The following MAP4 variants were observed in gnomAD, a reference collection of about 807,000 sequenced individuals.
The protein encoded by MAP4 is microtubule associated protein 4, also known as microtubule-associated protein 4.
In MAP4, 76 loss-of-function variants were observed where a neutral mutation model predicts 170.2. That is an observed-to-expected ratio of 0.45 (90% CI 0.37 to 0.54). MAP4 has a LOEUF of 0.54. Ranked by LOEUF, MAP4 falls within the 20% of genes least tolerant of loss-of-function variation. The pLI, the probability that MAP4 is intolerant of heterozygous loss-of-function variation, is 0.00. For synonymous variants in MAP4, 909 were observed against 994.5 expected (o/e 0.91, Z 1.62); for missense variants, 2,506 against 2,748.0 (o/e 0.91, Z 1.97).
intron 1 of MAP4, among the ~76,000 whole-genome samples, chr3:48,074,147 T>C (rs1394377248): frequency 6.6e-6 from 1 of 152,072 alleles, no homozygotes; most frequent in Non-Finnish European, 1.5e-5. Flanking sequence ...GATGAGTTCA[T>C]GTCCTTTGTA....
intron 10 of MAP4, among the ~76,000 whole-genome samples, chr3:47,884,543 C>T (rs143987513): frequency 1.3e-5 from 2 of 152,270 alleles, no homozygotes; most frequent in Non-Finnish European, 2.9e-5. Context: ...CCTTGCAATG[C>T]ATTTATGGCC....
At chr3:48,084,076 CG>C (rs1397955897) in intron 1 of MAP4, among the ~76,000 whole-genome samples, 19 of 151,236 alleles carry the variant, frequency 1.3e-4, no homozygotes, top group Admixed American at 1.3e-3. Context: ...CTGGTCGCAG[CG>C]GGAGTGCCTG....
Position 47,853,165 on chromosome 3 carries a change from G to A in MAP4, c.6884C>T (p.Thr2295Ile), listed in dbSNP as rs778951556. ...AQTLDSQIQE[T>I]N The stretch of plus-strand genomic sequence containing the variant: ...TTAGGCCGAGCCCAGCCACTTACTT[G>A]TCTCCTGGATCTGGCTGTCCAAGGT... Residue 2295 changes from threonine to isoleucine, a missense_variant and splice_region_variant, in exon 20 of 21, where the codon ACA (threonine) becomes ATA (isoleucine). By Grantham distance (89) the Thr-to-Ile change is moderately conservative. Coordinates refer to ENST00000683076, the MANE Select transcript of MAP4 (RefSeq NM_001385682.1). 5 of 1,596,840 alleles carry A rather than the reference G, an allele frequency of 3.1e-6. No homozygotes were observed. The highest frequency in any genetic ancestry group is 3.4e-6 in the Non-Finnish European group (4 of 1,170,660).
chr3:47,881,294 A>C (rs2096662777), intron 10 of MAP4, among the ~76,000 whole-genome samples: 1 of 150,862 alleles, frequency 6.6e-6, no homozygotes, highest in Admixed American at 6.6e-5. Flanking sequence ...ACAAAAATCG[A>C]AAGAAAATTA....
intron 4 of MAP4, among the ~76,000 whole-genome samples, chr3:47,925,259 C>T (rs1221903639): frequency 6.6e-6 from 1 of 152,180 alleles, no homozygotes; most frequent in East Asian, 1.9e-4. Context: ...TCATTGGACG[C>T]CATCTTGGCA....
In MAP4 at chr3:47,984,152, A is replaced by G. The variant is rs1376517124; in HGVS notation, c.224-6219T>C. On this transcript the variant is annotated intron_variant, in intron 2 of 20. Coordinates refer to ENST00000683076, the MANE Select transcript of MAP4 (RefSeq NM_001385682.1). ...AGTAGTTAAGACTACCACCACACCC[A>G]GTTAATTTTTTATTTTTTTTTTCTT... Among the ~76,000 whole-genome samples the G allele has an allele frequency of 3.3e-5, 5 of 151,750 alleles. 1 individual carries two copies. Among genetic ancestry groups the G allele is most frequent in the Non-Finnish European group, 7.4e-5 (5 of 67,960 alleles).
At chr3:47,980,899 T>G (rs961533631) in intron 2 of MAP4, among the ~76,000 whole-genome samples, 21 of 152,128 alleles carry the variant, frequency 1.4e-4, no homozygotes, top group African/African-American at 4.8e-4. Context: ...ATCCAGCGAG[T>G]GGTATAAGAG....
chr3:48,065,686 T>C lies in MAP4; in HGVS notation c.-20+23087A>G, dbSNP rs555494207. Among the ~76,000 whole-genome samples the C allele has an allele frequency of 2.0e-5, 3 of 152,340 alleles. 1 individual carries two copies. The highest frequency in any genetic ancestry group is 2.0e-4 in the Admixed American group (3 of 15,288). On this transcript the variant is annotated intron_variant, in intron 1 of 18. Coordinates refer to the MAP4 transcript ENST00000360240. ...CTGTATGCACTGGCATCTTAGTTTC[T>C]TATAATCTGGATAAGCCAATGACTG...
chr3:48,042,372 G>A (rs879642330), intron 1 of MAP4, among the ~76,000 whole-genome samples: 15 of 152,170 alleles, frequency 9.9e-5, no homozygotes, highest in African/African-American at 1.7e-4. Flanking sequence ...ATCAGCAGTA[G>A]GAGAAACGGA....
At chr3:48,059,157 G>A (rs1051679857) in intron 1 of MAP4, among the ~76,000 whole-genome samples, 3 of 152,116 alleles carry the variant, frequency 2.0e-5, no homozygotes, top group Non-Finnish European at 4.4e-5. Flanking sequence ...AAAACACTTT[G>A]TGATTGAATA....
Position 47,857,469 on chromosome 3 carries a change from G to C in MAP4, c.6545C>G (p.Ser2182Cys), listed in dbSNP as rs1447178253. 6.2e-7 allele frequency: 1 copy of C among 1,614,124 alleles called. No homozygotes were observed. The highest frequency in any genetic ancestry group is 1.1e-5 in the South Asian group (1 of 91,070). Residue 2182 changes from serine to cysteine, a missense_variant, in exon 18 of 21, where the codon TCC (serine) becomes TGC (cysteine). Physicochemically the swap from Ser to Cys is moderately radical, Grantham distance 112. Transcript: ENST00000683076. Reference sequence around the variant, plus strand: ...GATGTTAGCCTTAGACCCACACTTGGAGGAGACCTTAGAGATGTCCACTTT... The same window carrying C: ...GATGTTAGCCTTAGACCCACACTTGCAGGAGACCTTAGAGATGTCCACTTT... Reference protein sequence around the residue: ...NKKVDISKVSSKCGSKANIKH... With the variant: ...NKKVDISKVSCKCGSKANIKH...
At chr3:47,888,267 G>T (rs537353594) in intron 10 of MAP4, among the ~76,000 whole-genome samples, 1 of 152,146 alleles carries the variant, frequency 6.6e-6, no homozygotes. Flanking sequence ...CAGGCTGCCC[G>T]AGCCAGCACT....
At chr3:48,045,795 C>A (rs1314215936) in intron 1 of MAP4, among the ~76,000 whole-genome samples, 5 of 152,178 alleles carry the variant, frequency 3.3e-5, no homozygotes, top group African/African-American at 1.2e-4. Context: ...CCTGCCTCGG[C>A]CTCCCAAAGT....
chr3:48,022,274 GGAGA>G (rs1484090383), intron 1 of MAP4, among the ~76,000 whole-genome samples: 1 of 152,044 alleles, frequency 6.6e-6, no homozygotes, highest in African/African-American at 2.4e-5. Context: ...AACAGACAAT[GGAGA>G]GAGTAGAGAG....
chr3:47,951,594 C>G (rs899248670), intron 3 of MAP4, among the ~76,000 whole-genome samples: 8 of 152,220 alleles, frequency 5.3e-5, no homozygotes, highest in African/African-American at 1.9e-4. Context: ...GCGAGTGATC[C>G]GCCAGCCTTG....
chr3:47,918,263 C>T (rs1321719673), intron 6 of MAP4, among the ~76,000 whole-genome samples: 10 of 151,932 alleles, frequency 6.6e-5, no homozygotes, highest in East Asian at 5.8e-4. Context: ...GGATTACAGG[C>T]GTGAGCCACC....
intron 3 of MAP4, among the ~76,000 whole-genome samples, chr3:47,948,796 T>G (rs1377204036): frequency 6.6e-6 from 1 of 152,054 alleles, no homozygotes; most frequent in African/African-American, 2.4e-5. Context: ...AATTTTTTTG[T>G]ATTTTTAGTA....
intron 10 of MAP4, among the ~76,000 whole-genome samples, chr3:47,895,756 A>C (rs532250604): frequency 9.2e-5 from 14 of 152,334 alleles, no homozygotes; most frequent in Non-Finnish European, 1.6e-4. Context: ...ATTCTGCCTC[A>C]GTAATTCTAT....
intron 17 of MAP4, among the ~76,000 whole-genome samples, chr3:47,858,619 G>GTT (rs1466112405): frequency 1.6e-5 from 2 of 125,188 alleles, no homozygotes; most frequent in South Asian, 2.6e-4. Flanking sequence ...GTGTGTGCGC[G>GTT]TTGTGTGTGT....
Sources: allele counts gnomAD v4.1 joint callset (sites outside exome capture counted in the v4.1 genomes callset), GRCh38; gene constraint gnomAD v4.1.1; transcripts MANE v1.5; gene names NCBI Gene and HGNC (gene_info 2026-07-23, HGNC 2026-07-21).